Variants in GDF7 observed in about 807,000 individuals in gnomAD.
The protein encoded by GDF7 is growth/differentiation factor 7.
GDF7 carries 12 observed loss-of-function variants against 13.4 expected under a neutral mutation model. The observed-to-expected ratio is 0.90, with a 90% confidence interval of 0.57 to 1.45. GDF7 has a LOEUF of 1.45. Among genes scored for constraint, GDF7 ranks in the 40% most tolerant of loss-of-function variants. The pLI is 0.00. For synonymous variants in GDF7, 330 were observed against 306.4 expected (o/e 1.08, Z -0.80); for missense variants, 651 against 652.4 (o/e 1.00, Z 0.02).
Position 20,672,969 on chromosome 2 carries a change from A to C in GDF7, c.*1544A>C, listed in dbSNP as rs1662155843. 1 of 151,488 alleles carries C rather than the reference A, an allele frequency of 6.6e-6. No homozygotes were observed. The highest frequency in any genetic ancestry group is 2.4e-5 in the African/African-American group (1 of 41,206). 9.4% of individuals were successfully genotyped at this position (151,488 alleles called of 1,614,324 possible). ...CTGTCCGGGGTGGGGGCTTCTTAGA[A>C]CAGCCCCGCAGCCCTCTCGGTGCAT... On this transcript the variant is annotated 3_prime_UTR_variant, in exon 2 of 2. Coordinates refer to ENST00000272224, the MANE Select transcript of GDF7 (RefSeq NM_182828.4).
At chr2:20,669,463 G>C (rs1047187584) in intron 1 of GDF7, among the ~76,000 whole-genome samples, 1 of 152,000 alleles carries the variant, frequency 6.6e-6, no homozygotes, top group African/African-American at 2.4e-5. Flanking sequence ...AAAGAAAAAA[G>C]AGTGTCCACA....
chr2:20,667,489 G>C lies in GDF7; in HGVS notation c.250G>C (p.Gly84Arg), dbSNP rs769068499. The C allele has an allele frequency of 3.1e-6, 4 of 1,289,540 alleles. No homozygotes were observed. The highest frequency in any genetic ancestry group is 3.1e-5 in the East Asian group (1 of 32,034). 79.9% of individuals were successfully genotyped at this position (1,289,540 alleles called of 1,614,324 possible). A position where few individuals can be genotyped will look rare whatever the true frequency, so the allele number is the denominator to read the frequency against. The change falls in exon 1 of 2, where the codon GGC becomes CGC. Residue 84 changes from glycine to arginine, a missense_variant. By Grantham distance (125) the Gly-to-Arg change is moderately radical. Transcript: ENST00000272224. This position sits in a 1 kb window ranked among gnomAD's most constrained non-coding sequence, Gnocchi z 6.4. ...CGCCGCGGGCTCCGGCTTCAGGAAC[G>C]GCTCGGTGGTGCCGCACCACTTCAT... ...RRAAGSGFRNGSVVPHHFMMS... is the reference protein window; with the variant it reads ...RRAAGSGFRNRSVVPHHFMMS...
At position 20,671,303 on chromosome 2, in the gene GDF7, CCG is replaced by C; in HGVS notation, c.1232_1233del (p.Pro411ArgfsTer74). 1 of 1,613,772 alleles carries C rather than the reference CCG, an allele frequency of 6.2e-7. No homozygotes were observed. The highest frequency in any genetic ancestry group is 8.5e-7 in the Non-Finnish European group (1 of 1,179,968). On this transcript the variant is annotated frameshift_variant, in exon 2 of 2. Coordinates refer to ENST00000272224, the MANE Select transcript of GDF7 (RefSeq NM_182828.4). LOFTEE classifies it high-confidence loss of function. ...LLNSMAPDAAPASCCVPARLS... is the reference protein window; with the variant it reads ...LLNSMAPDAAXASCCVPARLS... The stretch of plus-strand genomic sequence containing the variant: ...CAACTCCATGGCACCAGACGCGGCG[CCG>C]GCCTCCTGCTGTGTGCCAGCGCGCC...
Position 20,677,929 on chromosome 2 carries a change from A to C in GDF7, c.*6504A>C, listed in dbSNP as rs1166385589. On this transcript the variant is annotated 3_prime_UTR_variant, in exon 2 of 2. Transcript: ENST00000272224. ...AGTGACTGAGGGCTGCCAAGGCCAG[A>C]CAACGCACATGTGTCCTGGATCCTC... is the stretch of plus-strand genomic sequence containing the variant. The C allele has an allele frequency of 6.6e-6, 1 of 152,512 alleles. No individual in the cohort carries two copies. The highest frequency in any genetic ancestry group is 2.4e-5 in the African/African-American group (1 of 41,464). The allele number at this position is 152,512 out of a possible 1,614,324, so 9.4% of individuals were successfully genotyped here. A position where few individuals can be genotyped will look rare whatever the true frequency, so the allele number is the denominator to read the frequency against.
In GDF7 at chr2:20,672,954, T is replaced by C. The variant is rs1662155377; in HGVS notation, c.*1529T>C. 1 of 151,994 alleles carries C rather than the reference T, an allele frequency of 6.6e-6. No homozygotes were observed. The highest frequency in any genetic ancestry group is 6.6e-5 in the Admixed American group (1 of 15,266). 9.4% of individuals were successfully genotyped at this position (151,994 alleles called of 1,614,324 possible). On this transcript the variant is annotated 3_prime_UTR_variant, in exon 2 of 2. Transcript: ENST00000272224. ...CTAGTTGGACTCCAGCTGTCCGGGG[T>C]GGGGGCTTCTTAGAACAGCCCCGCA...
Position 20,671,049 on chromosome 2 carries a change from G to T in GDF7, c.977G>T (p.Gly326Val). 1 of 1,509,460 alleles carries T rather than the reference G, an allele frequency of 6.6e-7. No homozygotes were observed. The highest frequency in any genetic ancestry group is 8.8e-7 in the Non-Finnish European group (1 of 1,130,632). 93.5% of individuals were successfully genotyped at this position (1,509,460 alleles called of 1,614,324 possible). A position where few individuals can be genotyped will look rare whatever the true frequency, so the allele number is the denominator to read the frequency against. Reference protein sequence around the residue: ...GRRRRRTALAGTRTAQGSGGG... With the variant: ...GRRRRRTALAVTRTAQGSGGG... The stretch of plus-strand genomic sequence containing the variant: ...AGACGGAGGAGGACGGCGTTGGCCG[G>T]GACGCGGACAGCGCAGGGCAGCGGC... Residue 326 changes from glycine to valine, a missense_variant, in exon 2 of 2, where the codon GGG (glycine) becomes GTG (valine). By Grantham distance (109) the Gly-to-Val change is moderately radical (BLOSUM62 -3). Around this residue, in one of 4 missense-constraint regions of GDF7, gnomAD observed 487 missense variants for 445.9 expected, o/e 1.09. Transcript: ENST00000272224.
At position 20,671,855 on chromosome 2, in the gene GDF7, CG is replaced by C. The variant is rs1319322559; in HGVS notation, c.*431del. ...ATCTCACCCCCTTTTGTTTCTGGCC[CG>C]ATGTGGGGCATCGCTTCCCTGGGGG... On this transcript the variant is annotated 3_prime_UTR_variant, in exon 2 of 2. Coordinates refer to ENST00000272224, the MANE Select transcript of GDF7 (RefSeq NM_182828.4). The C allele has an allele frequency of 7.1e-5, 14 of 198,266 alleles. No homozygotes were observed. The East Asian group carries it at 2.0e-3, about 29-fold the overall frequency. 12.3% of individuals were successfully genotyped at this position (198,266 alleles called of 1,614,324 possible).
rs1400216679 is a variant in GDF7, at chr2:20,673,115, G to C, written c.*1690G>C. ...TCTCAGTGATTACACTCTTGAGAGA[G>C]AGAAGACAGACTTACGATTTAGATA... On this transcript the variant is annotated 3_prime_UTR_variant, in exon 2 of 2. Coordinates refer to ENST00000272224, the MANE Select transcript of GDF7 (RefSeq NM_182828.4). 6.6e-6 allele frequency: 1 copy of C among 152,136 alleles called. No homozygotes were observed. Among genetic ancestry groups the C allele is most frequent in the Non-Finnish European group, 1.5e-5 (1 of 68,034 alleles). 9.4% of individuals were successfully genotyped at this position (152,136 alleles called of 1,614,324 possible). A position where few individuals can be genotyped will look rare whatever the true frequency, so the allele number is the denominator to read the frequency against.
intron 1 of GDF7, among the ~76,000 whole-genome samples, chr2:20,669,807 G>T (rs1391263816): frequency 6.6e-6 from 1 of 152,246 alleles, no homozygotes; most frequent in Admixed American, 6.5e-5. Context: ...AGCGAAGTTG[G>T]ACTAGAAGGT....
In GDF7 at chr2:20,670,711, G is replaced by A; in HGVS notation, c.639G>A (p.Val213=). Residue 213 remains valine (V), a synonymous_variant, in exon 2 of 2, where the codon GTG becomes GTA. Transcript: ENST00000272224. Reference sequence around the variant, plus strand: ...GTCAGCGCTGGGAGGCGTTCGACGTGGCGGACGCCATGAGGCGCCACCGTC... The same window carrying A: ...GTCAGCGCTGGGAGGCGTTCGACGTAGCGGACGCCATGAGGCGCCACCGTC... The part of the protein sequence containing the change: ...LVGQRWEAFD[V]ADAMRRHRRE... 6.8e-7 allele frequency: 1 copy of A among 1,478,384 alleles called. No homozygotes were observed. The highest frequency in any genetic ancestry group is 1.3e-5 in the South Asian group (1 of 75,822). 91.6% of individuals were successfully genotyped at this position (1,478,384 alleles called of 1,614,324 possible).
Position 20,678,555 on chromosome 2 carries a change from T to C in GDF7, c.*7130T>C, listed in dbSNP as rs925417415. On this transcript the variant is annotated 3_prime_UTR_variant, in exon 2 of 2. Transcript: ENST00000272224. ...GTTGCAGAGCTCCCGTACCAGCTTATAAAATGCGGCTGTTTAAGCAGGACT... is the reference window on the plus strand; with the variant it reads ...GTTGCAGAGCTCCCGTACCAGCTTACAAAATGCGGCTGTTTAAGCAGGACT... 2.0e-5 allele frequency: 3 copies of C among 152,218 alleles called. No homozygotes were observed. Among genetic ancestry groups the C allele is most frequent in the Non-Finnish European group, 4.4e-5 (3 of 68,038 alleles). The allele number at this position is 152,218 out of a possible 1,614,324, so 9.4% of individuals were successfully genotyped here.
Position 20,671,100 on chromosome 2 carries a change from G to A in GDF7, c.1028G>A (p.Arg343His), listed in dbSNP as rs1662115068. The A allele has an allele frequency of 5.1e-6, 8 of 1,580,878 alleles. No homozygotes were observed. Among genetic ancestry groups the A allele is most frequent in the Middle Eastern group, 1.7e-4 (1 of 5,974 alleles). ...GGGGGCGCGGGCCGGGGCCACGGGC[G>A]CAGGGGCCGGAGCCGCTGCAGCCGC... The part of the protein sequence containing the change: ...SGGGAGRGHG[R>H]RGRSRCSRKP... The change falls in exon 2 of 2, where the codon CGC (arginine) becomes CAC (histidine). Residue 343 changes from arginine (R) to histidine (H), a missense_variant. Physicochemically the swap from Arg to His is conservative, Grantham distance 29. Transcript: ENST00000272224.
Position 20,671,130 on chromosome 2 carries a change from C to G in GDF7, c.1058C>G (p.Pro353Arg), listed in dbSNP as rs1383829575. ...RRGRSRCSRK[P>R]LHVDFKELGW... ...GGCCGGAGCCGCTGCAGCCGCAAGC[C>G]GTTGCACGTGGACTTCAAGGAGCTC... is the stretch of plus-strand genomic sequence containing the variant. The change falls in exon 2 of 2, where the codon CCG (proline) becomes CGG (arginine). Residue 353 changes from proline (P) to arginine (R), a missense_variant. Transcript: ENST00000272224. The G allele has an allele frequency of 2.5e-6, 4 of 1,610,968 alleles. No individual in the cohort carries two copies. The highest frequency in any genetic ancestry group is 2.5e-6 in the Non-Finnish European group (3 of 1,179,082).
At position 20,667,640 on chromosome 2, in the gene GDF7, C is replaced by A; in HGVS notation, c.391+10C>A. The A allele has an allele frequency of 6.9e-7, 1 of 1,445,110 alleles. No individual in the cohort carries two copies. 89.5% of individuals were successfully genotyped at this position (1,445,110 alleles called of 1,614,324 possible). ...GACCAGGCGACCCAAGGTACTTACG[C>A]CTCTTCTGTGCCCGCCCATCCCGTC... On this transcript the variant is annotated intron_variant, in intron 1 of 1. Transcript: ENST00000272224. The surrounding 1 kb of genome is among the most constrained non-coding windows in gnomAD (Gnocchi z 6.4).
rs1299462308 is a variant in GDF7, at chr2:20,673,002, A to T, written c.*1577A>T. On this transcript the variant is annotated 3_prime_UTR_variant, in exon 2 of 2. Transcript: ENST00000272224. The stretch of plus-strand genomic sequence containing the variant: ...GCAGCCCTCTCGGTGCATCTGTGTG[A>T]TGTTGTGTAGGACTTTCCCCTTCAG... 1.3e-5 allele frequency: 2 copies of T among 152,026 alleles called. No individual in the cohort carries two copies. Among genetic ancestry groups the T allele is most frequent in the African/African-American group, 4.8e-5 (2 of 41,380 alleles). The allele number at this position is 152,026 out of a possible 1,614,324, so 9.4% of individuals were successfully genotyped here.
At position 20,675,045 on chromosome 2, in the gene GDF7, T is replaced by TA. The variant is rs1662195364; in HGVS notation, c.*3622dup. 6.6e-6 allele frequency: 1 copy of TA among 152,224 alleles called. No homozygotes were observed. The highest frequency in any genetic ancestry group is 1.5e-5 in the Non-Finnish European group (1 of 68,026). 9.4% of individuals were successfully genotyped at this position (152,224 alleles called of 1,614,324 possible). A position where few individuals can be genotyped will look rare whatever the true frequency, so the allele number is the denominator to read the frequency against. On this transcript the variant is annotated 3_prime_UTR_variant, in exon 2 of 2. Coordinates refer to ENST00000272224, the MANE Select transcript of GDF7 (RefSeq NM_182828.4). ...TTTCCAAGAGCAGCTCGTGCACAGA[T>TA]AAGGTCAGACTTTTCCTGTGCTTGA...
intron 1 of GDF7, among the ~76,000 whole-genome samples, chr2:20,668,582 G>A (rs896119965): frequency 6.6e-6 from 1 of 152,270 alleles, no homozygotes; most frequent in Admixed American, 6.5e-5. Context: ...AGGAGGGAAA[G>A]AAAGGCGAAT....
intron 1 of GDF7, among the ~76,000 whole-genome samples, chr2:20,669,616 G>T (rs757421384): frequency 6.6e-6 from 1 of 152,180 alleles, no homozygotes; most frequent in Non-Finnish European, 1.5e-5. Context: ...GGGATGCCCC[G>T]CACCCCTCCG....
Position 20,667,770 on chromosome 2 carries a change from G to A in GDF7, c.391+140G>A. 1 of 566,736 alleles carries A rather than the reference G, an allele frequency of 1.8e-6. No individual in the cohort carries two copies. Among genetic ancestry groups the A allele is most frequent in the Non-Finnish European group, 2.6e-6 (1 of 378,732 alleles). The allele number at this position is 566,736 out of a possible 1,614,324, so 35.1% of individuals were successfully genotyped here. On this transcript the variant is annotated intron_variant, in intron 1 of 1. Transcript: ENST00000272224. The surrounding 1 kb of genome is among the most constrained non-coding windows in gnomAD (Gnocchi z 6.4). ...TCAGGTGATAGAAAGAAACTTCGCC[G>A]AGGCCAACACTCTCCAGCCCGCTGC...
Sources: allele counts gnomAD v4.1 joint callset (sites outside exome capture counted in the v4.1 genomes callset), GRCh38; gene constraint gnomAD v4.1.1; regional missense constraint gnomAD v4.1.1; non-coding constraint Gnocchi (gnomAD v3.1); transcripts MANE v1.5; gene names NCBI Gene and HGNC (gene_info 2026-07-23, HGNC 2026-07-21).